The following SAMD4A variants were observed in gnomAD, a reference collection of about 807,000 sequenced individuals.
SAMD4A encodes the protein protein Smaug homolog 1.
Under a neutral mutation model 81.3 loss-of-function variants are expected in SAMD4A, and 33 were observed. The ratio of observed to expected loss-of-function variants is 0.41; its 90% confidence interval spans 0.31 to 0.54. The LOEUF is 0.54. SAMD4A is among the 20% of genes least tolerant of loss of function. SAMD4A has a pLI of 0.37. For missense variants in SAMD4A, 854 were observed against 951.1 expected, an observed-to-expected ratio of 0.90 and a Z score of 1.34; for synonymous variants, 389 against 382.1, an observed-to-expected ratio of 1.02 and a Z score of -0.21.
At chr14:54,740,277 T>C (rs983888877) in intron 4 of SAMD4A, among the ~76,000 whole-genome samples, 1 of 152,252 alleles carries the variant, frequency 6.6e-6, no homozygotes, top group African/African-American at 2.4e-5. Context: ...ATCTTTCTTT[T>C]CTATGACCCA....
At chr14:54,644,169 T>A (rs1055884973) in intron 2 of SAMD4A, among the ~76,000 whole-genome samples, 6 of 152,178 alleles carry the variant, frequency 3.9e-5, no homozygotes, top group African/African-American at 1.4e-4. Context: ...TCACACACAT[T>A]TCTTGAATCT....
At chr14:54,784,671 G>A in intron 12 of SAMD4A, 51 bp downstream of exon 12, 2 of 1,522,924 alleles carry the variant, frequency 1.3e-6, no homozygotes, top group Non-Finnish European at 1.8e-6. Flanking sequence ...CGTGTGCCTG[G>A]GAGAACTGGC....
chr14:54,723,713 A>G (rs1022979074), intron 3 of SAMD4A, among the ~76,000 whole-genome samples: 1 of 149,936 alleles, frequency 6.7e-6, no homozygotes, highest in East Asian at 2.0e-4. Context: ...TTAATAAATG[A>G]TAGAAAATAC....
intron 2 of SAMD4A, among the ~76,000 whole-genome samples, chr14:54,628,053 A>T (rs1227800278): frequency 3.3e-5 from 5 of 151,980 alleles, no homozygotes; most frequent in African/African-American, 9.7e-5. Flanking sequence ...GGTATTTCTG[A>T]GTCTTGGTGG....
chr14:54,739,534 AG>A (rs1160439392), intron 4 of SAMD4A, among the ~76,000 whole-genome samples: 3 of 146,358 alleles, frequency 2.0e-5, no homozygotes, highest in African/African-American at 5.0e-5. Context: ...AAAAAAAAAA[AG>A]TTTGAAGGAA....
At chr14:54,785,455 C>G (rs1228775631) in intron 12 of SAMD4A, among the ~76,000 whole-genome samples, 1 of 152,240 alleles carries the variant, frequency 6.6e-6, no homozygotes, top group East Asian at 1.9e-4. Flanking sequence ...TTCCTGCCAG[C>G]TTCCTGGGAG....
At chr14:54,783,169 A>C (rs12885392) in intron 11 of SAMD4A, among the ~76,000 whole-genome samples, 30,603 of 151,728 alleles carry the variant, frequency 0.2, 3,873 homozygotes, top group East Asian at 0.32. Context: ...AAAAAAAAAA[A>C]AAAAACAAAA....
intron 2 of SAMD4A, among the ~76,000 whole-genome samples, chr14:54,619,737 C>G (rs1487045247): frequency 6.6e-6 from 1 of 152,076 alleles, no homozygotes; most frequent in African/African-American, 2.4e-5. Context: ...TGAGAACATG[C>G]GGTATTTGGT....
intron 4 of SAMD4A, among the ~76,000 whole-genome samples, chr14:54,739,101 T>C (rs1290459758): frequency 7.1e-6 from 1 of 141,634 alleles, no homozygotes; most frequent in Non-Finnish European, 1.5e-5. Flanking sequence ...CTTTCAACAT[T>C]CTCCCAAAGT....
intron 2 of SAMD4A, among the ~76,000 whole-genome samples, chr14:54,617,599 A>G (rs1220679924): frequency 6.6e-6 from 1 of 152,132 alleles, no homozygotes; most frequent in Non-Finnish European, 1.5e-5. Context: ...CCGTGTACTG[A>G]TATTGCATGC....
chr14:54,596,208 G>C (rs2033906627), intron 2 of SAMD4A, among the ~76,000 whole-genome samples: 1 of 152,188 alleles, frequency 6.6e-6, no homozygotes, highest in Non-Finnish European at 1.5e-5. Context: ...ATGTAGGCAG[G>C]ATTCAGGGAA....
intron 2 of SAMD4A, among the ~76,000 whole-genome samples, chr14:54,615,093 A>G (rs1347503775): frequency 6.6e-6 from 1 of 152,186 alleles, no homozygotes; most frequent in African/African-American, 2.4e-5. Flanking sequence ...GCTTCTGACA[A>G]GTTCACCTGG....
At chr14:54,726,765 G>T (rs931124430) in intron 3 of SAMD4A, among the ~76,000 whole-genome samples, 7 of 149,570 alleles carry the variant, frequency 4.7e-5, no homozygotes, top group African/African-American at 1.2e-4. Context: ...GGGCATCGGG[G>T]TTTTTTTTTT....
chr14:54,779,434 G>A (rs181587887), intron 11 of SAMD4A, among the ~76,000 whole-genome samples: 6 of 152,316 alleles, frequency 3.9e-5, no homozygotes, highest in African/African-American at 1.4e-4. Context: ...GGCAAATCTT[G>A]AAGACTACAA....
chr14:54,784,223 T>C lies in SAMD4A; in HGVS notation c.2045-314T>C, dbSNP rs2039076267. ...CAAGGGCCTGGATCATGCGGGGCCT[T>C]ATGGGCCAGGGCAGGAGGTTGGCTG... On this transcript the variant is annotated intron_variant, in intron 11 of 12. Coordinates refer to ENST00000554335, the MANE Select transcript of SAMD4A (RefSeq NM_015589.6). 4.0e-6 allele frequency: 3 copies of C among 755,744 alleles called. No homozygotes were observed. In the African/African-American group the frequency reaches 5.2e-5, roughly 13 times the overall value. The allele number at this position is 755,744 out of a possible 1,614,324, so 46.8% of individuals were successfully genotyped here. A position where few individuals can be genotyped will look rare whatever the true frequency, so the allele number is the denominator to read the frequency against.
intron 3 of SAMD4A, among the ~76,000 whole-genome samples, chr14:54,725,340 T>A (rs2037387041): frequency 6.6e-6 from 1 of 152,192 alleles, no homozygotes; most frequent in African/African-American, 2.4e-5. Flanking sequence ...ACATGAAATG[T>A]GGACACTTAA....
At position 54,744,278 on chromosome 14, in the gene SAMD4A, G is replaced by A. The variant is rs185042297; in HGVS notation, c.980-4537G>A. ...TCTGGGGTTTCCTTGTTTGTGGGTC[G>A]GGTGCTGCATGGTCTGTTGATCTGA... On this transcript the variant is annotated intron_variant, in intron 4 of 12. Transcript: ENST00000554335. Among the ~76,000 whole-genome samples the A allele has an allele frequency of 6.0e-4, 92 of 152,206 alleles. 1 individual carries two copies. The highest frequency in any genetic ancestry group is 9.3e-4 in the Non-Finnish European group (63 of 68,012).
At chr14:54,740,034 G>A (rs140550644) in intron 4 of SAMD4A, among the ~76,000 whole-genome samples, 2,371 of 152,274 alleles carry the variant, frequency 0.016, 35 homozygotes, top group Middle Eastern at 0.092. Context: ...GTCAGGTGTG[G>A]TGGCACGCAG....
At position 54,760,439 on chromosome 14, in the gene SAMD4A, CG is replaced by C; in HGVS notation, c.1456del (p.Ala486ProfsTer33). 7.0e-7 allele frequency: 1 copy of C among 1,428,124 alleles called. No homozygotes were observed. Among genetic ancestry groups the C allele is most frequent in the Non-Finnish European group, 9.1e-7 (1 of 1,100,418 alleles). The allele number at this position is 1,428,124 out of a possible 1,614,324, so 88.5% of individuals were successfully genotyped here. ...LSSCDGELAV[A>X]PLPEGDLPGQ... ...GCAGCTGCGATGGGGAGCTGGCCGT[CG>C]CCCCCCTGCCAGAGGGGGACCTCCC... is the stretch of plus-strand genomic sequence containing the variant. On this transcript the variant is annotated frameshift_variant, in exon 7 of 13. Transcript: ENST00000554335. LOFTEE classifies it high-confidence loss of function.
Sources: gnomAD v4.1 joint callset for allele counts (sites outside exome capture counted in the v4.1 genomes callset) on GRCh38, gnomAD v4.1.1 for gene constraint, MANE v1.5 for transcripts, NCBI Gene and HGNC (gene_info 2026-07-23, HGNC 2026-07-21) for gene names.